The following FGF14 variants were observed in gnomAD, a reference collection of about 807,000 sequenced individuals.
FGF14 encodes fibroblast growth factor 14, also known as fibroblast growth factor homologous factor 4.
In FGF14, 5 loss-of-function variants were observed where a neutral mutation model predicts 25.5. The ratio of observed to expected loss-of-function variants is 0.20; its 90% CI spans 0.10 to 0.41. The LOEUF (loss-of-function observed/expected upper bound fraction) is 0.41, where lower values mean the gene tolerates loss of function less well. FGF14 is among the 10% of genes least tolerant of loss of function. FGF14 has a pLI of 1.00. For synonymous variants in FGF14, 138 were observed against 118.3 expected (o/e 1.17, Z -1.08); for missense variants, 222 against 320.1 (o/e 0.69, Z 2.34).
intron 1 of FGF14, among the ~76,000 whole-genome samples, chr13:102,161,694 GA>G (rs2047767705): frequency 8.5e-6 from 1 of 117,898 alleles, no homozygotes; most frequent in Non-Finnish European, 1.9e-5. Flanking sequence ...AGAAGAAGAA[GA>G]AGAAGAAGAA....
intron 1 of FGF14, among the ~76,000 whole-genome samples, chr13:102,339,327 T>C (rs2056882947): frequency 6.6e-6 from 1 of 151,786 alleles, no homozygotes; most frequent in Non-Finnish European, 1.5e-5. Flanking sequence ...CAAACAAACA[T>C]AAAGAAATTA....
rs373076069 is a variant in FGF14 at position 102,375,786 on chromosome 13, T to G, written c.208+25685A>C. 1.7e-4 allele frequency among the ~76,000 whole-genome samples: 26 copies of G among 152,330 alleles called. No individual in the cohort carries two copies. The East Asian group carries it at 4.4e-3, about 26-fold the overall frequency. On this transcript the variant is annotated intron_variant, in intron 1 of 4. Coordinates refer to the FGF14 transcript ENST00000376131. ...CAATAAAAGCTATCTGCCTTGTTTG[T>G]TTTTCCAATCTTGTTCCTTAAAAAG... is the stretch of plus-strand genomic sequence containing the variant.
At chr13:102,196,181 C>T (rs898089267) in intron 1 of FGF14, among the ~76,000 whole-genome samples, 3 of 152,112 alleles carry the variant, frequency 2.0e-5, no homozygotes, top group Non-Finnish European at 2.9e-5. Flanking sequence ...AATTTACAGC[C>T]GTGACAATCG....
chr13:101,722,711 A>G lies in FGF14; in HGVS notation c.*120T>C. On this transcript the variant is annotated 3_prime_UTR_variant, in exon 5 of 5. Coordinates refer to ENST00000376143, the MANE Select transcript of FGF14 (RefSeq NM_004115.4). ...TGCAACAGAGAAGTTCGGAGACAGC[A>G]AAGAATAAGCATTAGCTTACTTCCT... is the stretch of plus-strand genomic sequence containing the variant. The G allele has an allele frequency of 2.2e-6, 3 of 1,393,610 alleles. No homozygotes were observed. Among genetic ancestry groups the G allele is most frequent in the Non-Finnish European group, 3.0e-6 (3 of 994,942 alleles). 86.3% of individuals were successfully genotyped at this position (1,393,610 alleles called of 1,614,324 possible).
chr13:102,161,566 GAAGAAAGAAA>G lies in FGF14; in HGVS notation c.208+239895_208+239904del, dbSNP rs1384277815. 0.069 allele frequency among the ~76,000 whole-genome samples: 144 copies of G among 2,100 alleles called. 14 individuals are homozygous for G. Among genetic ancestry groups the G allele is most frequent in the Middle Eastern group, 0.25 (1 of 4 alleles). The allele number at this position is 2,100 out of a possible 152,430, so 1.4% of individuals were successfully genotyped here. On this transcript the variant is annotated intron_variant, in intron 1 of 4. Transcript: ENST00000376131. Reference sequence around the variant, plus strand: ...ATTCTCTATGCAACCAACTTTCTGTGAAGAAAGAAAGAAGAAGAAGAAGAAGAAGAAGAAG... The same window carrying G: ...ATTCTCTATGCAACCAACTTTCTGTGGAAGAAGAAGAAGAAGAAGAAGAAG...
At chr13:101,855,104 T>C (rs1348721261) in intron 3 of FGF14, among the ~76,000 whole-genome samples, 1 of 152,018 alleles carries the variant, frequency 6.6e-6, no homozygotes, top group East Asian at 1.9e-4. Flanking sequence ...TCTCTAGTGG[T>C]ATCACACCCA....
intron 1 of FGF14, among the ~76,000 whole-genome samples, chr13:101,997,061 G>A (rs938843372): frequency 4.6e-5 from 7 of 152,164 alleles, no homozygotes; most frequent in African/African-American, 9.7e-5. Flanking sequence ...AGCAGTGGTC[G>A]CTCAGCCGGG....
chr13:102,278,382 A>T (rs538455070), intron 1 of FGF14, among the ~76,000 whole-genome samples: 1 of 152,342 alleles, frequency 6.6e-6, no homozygotes, highest in African/African-American at 2.4e-5. Context: ...CTTCAAGCTA[A>T]GCGCAAACAA....
intron 3 of FGF14, among the ~76,000 whole-genome samples, chr13:101,793,648 C>T (rs935357002): frequency 6.6e-6 from 1 of 151,998 alleles, no homozygotes; most frequent in African/African-American, 2.4e-5. Flanking sequence ...ATTTGAGGAA[C>T]CTCCATACAA....
intron 1 of FGF14, among the ~76,000 whole-genome samples, chr13:102,181,354 T>C (rs2140752405): frequency 6.6e-6 from 1 of 152,294 alleles, no homozygotes; most frequent in East Asian, 1.9e-4. Context: ...ATTAAGGTTA[T>C]GGACTATTAT....
At chr13:102,065,573 A>T (rs779112726) in intron 1 of FGF14, among the ~76,000 whole-genome samples, 1 of 152,118 alleles carries the variant, frequency 6.6e-6, no homozygotes, top group South Asian at 2.1e-4. Flanking sequence ...TCATATAAGC[A>T]TACATATAGT....
At chr13:101,740,122 C>T (rs2036446872) in intron 3 of FGF14, among the ~76,000 whole-genome samples, 1 of 152,148 alleles carries the variant, frequency 6.6e-6, no homozygotes, top group African/African-American at 2.4e-5. Context: ...GTTGTGAGCC[C>T]TTCAACGGGA....
intron 1 of FGF14, among the ~76,000 whole-genome samples, chr13:102,169,552 A>T (rs1377567474): frequency 6.6e-6 from 1 of 152,130 alleles, no homozygotes; most frequent in East Asian, 1.9e-4. Context: ...AATACAACAA[A>T]AGCCACTCTG....
chr13:102,350,996 C>T lies in FGF14; in HGVS notation c.208+50475G>A, dbSNP rs201110703. Among the ~76,000 whole-genome samples the T allele has an allele frequency of 4.6e-5, 7 of 152,262 alleles. No individual in the cohort carries two copies. In the East Asian group the frequency reaches 9.7e-4, roughly 21 times the overall value. ...CCACCACAACACCCACGTTGCTCCT[C>T]CTCAGACCTGCAGGCCAGCACTGGG... On this transcript the variant is annotated intron_variant, in intron 1 of 4. Coordinates refer to the FGF14 transcript ENST00000376131.
rs1176561732 is a variant in FGF14, at chr13:102,231,787, T to C, written c.208+169684A>G. Among the ~76,000 whole-genome samples the C allele has an allele frequency of 3.9e-5, 6 of 152,188 alleles. No homozygotes were observed. The East Asian group carries it at 1.2e-3, about 29-fold the overall frequency. ...CCACCTCTTTCTGGCTGAAACACAT[T>C]GGCAAATTACCTAAGCTCTCTAAAA... is the stretch of plus-strand genomic sequence containing the variant. On this transcript the variant is annotated intron_variant, in intron 1 of 4. Transcript: ENST00000376131.
chr13:102,050,198 A>G (rs1271494424), intron 1 of FGF14, among the ~76,000 whole-genome samples: 3 of 152,222 alleles, frequency 2.0e-5, no homozygotes, highest in Non-Finnish European at 4.4e-5. Context: ...TAAATGAGAA[A>G]TTTCTAGGAT....
At chr13:102,121,717 G>A (rs940412697) in intron 1 of FGF14, among the ~76,000 whole-genome samples, 2 of 152,140 alleles carry the variant, frequency 1.3e-5, no homozygotes, top group Non-Finnish European at 2.9e-5. Context: ...ACTTGAAAGC[G>A]TGTCTTTGAA....
intron 1 of FGF14, among the ~76,000 whole-genome samples, chr13:102,069,452 G>A (rs546799185): frequency 6.6e-6 from 1 of 152,288 alleles, no homozygotes; most frequent in South Asian, 2.1e-4. Context: ...TCCACACTGT[G>A]AAAGCTTTGT....
intron 1 of FGF14, among the ~76,000 whole-genome samples, chr13:102,052,100 G>A (rs2042237112): frequency 6.6e-6 from 1 of 152,012 alleles, no homozygotes; most frequent in South Asian, 2.1e-4. Context: ...GAAAAATACA[G>A]TTAATGAAAT....
Sources: allele counts gnomAD v4.1 joint callset (sites outside exome capture counted in the v4.1 genomes callset), GRCh38; gene constraint gnomAD v4.1.1; transcripts MANE v1.5; gene names NCBI Gene and HGNC (gene_info 2026-07-23, HGNC 2026-07-21).